Variants in CNOT1 observed in about 807,000 individuals in gnomAD.
CNOT1 encodes CCR4-NOT transcription complex subunit 1, also known as CCR4-associated factor 1.
CNOT1 carries 15 observed loss-of-function variants against 273.8 expected under a neutral mutation model. The observed-to-expected ratio is 0.05, with a 90% CI of 0.04 to 0.08. The LOEUF (loss-of-function observed/expected upper bound fraction) is 0.08. Among genes scored for constraint, CNOT1 ranks in the 10% least tolerant of loss-of-function variants. The pLI, the probability that CNOT1 is intolerant of heterozygous loss-of-function variation, is 1.00. For synonymous variants in CNOT1, 1,022 were observed against 1,005.5 expected, an observed-to-expected ratio of 1.02 and a Z score of -0.31; for missense variants, 1,644 against 2,912.2, an observed-to-expected ratio of 0.56 and a Z score of 10.02.
rs996655913 is a variant in CNOT1, at chr16:58,624,150, G to GGACT, written c.-175+5574_-175+5577dup. ...ACTTGAGATTAGCATTGGAAGTGGGGGACTGTCTATGGGACTTGAGCTTTC... is the reference window on the plus strand; with the variant it reads ...ACTTGAGATTAGCATTGGAAGTGGGGGACTGACTGTCTATGGGACTTGAGCTTTC... On this transcript the variant is annotated intron_variant, in intron 1 of 48. Coordinates refer to ENST00000317147, the MANE Select transcript of CNOT1 (RefSeq NM_016284.5). Among the ~76,000 whole-genome samples, 24 of 152,220 alleles carry GGACT rather than the reference G, an allele frequency of 1.6e-4. No homozygotes were observed. In the East Asian group the frequency reaches 2.3e-3, roughly 15 times the overall value.
chr16:58,627,352 G>A (rs1461398849), intron 1 of CNOT1, among the ~76,000 whole-genome samples: 2 of 128,034 alleles, frequency 1.6e-5, no homozygotes, highest in African/African-American at 6.1e-5. Context: ...GCAGTGAACC[G>A]AGATTGTGTG....
chr16:58,615,219 A>G, intron 1 of CNOT1, among the ~76,000 whole-genome samples: 1 of 124,822 alleles, frequency 8.0e-6, no homozygotes, highest in East Asian at 1.9e-4. Context: ...TATCACAAAG[A>G]TGATCTGGGA....
At chr16:58,612,010 G>C (rs1210838186) in intron 1 of CNOT1, among the ~76,000 whole-genome samples, 1 of 149,928 alleles carries the variant, frequency 6.7e-6, no homozygotes, top group African/African-American at 2.5e-5. Context: ...TGTTATCCAG[G>C]CTGGAGTCTA....
intron 1 of CNOT1, among the ~76,000 whole-genome samples, chr16:58,620,373 G>A (rs2043262752): frequency 6.6e-6 from 1 of 152,156 alleles, no homozygotes; most frequent in South Asian, 2.1e-4. Context: ...GGGTGCGGTG[G>A]CTCAAACCTG....
Position 58,520,677 on chromosome 16 carries a change from A to C in CNOT1, c.*281T>G. 2.3e-6 allele frequency: 1 copy of C among 438,694 alleles called. No individual in the cohort carries two copies. The highest frequency in any genetic ancestry group is 3.5e-5 in the Admixed American group (1 of 28,838). The allele number at this position is 438,694 out of a possible 1,614,324, so 27.2% of individuals were successfully genotyped here. The stretch of plus-strand genomic sequence containing the variant: ...CTTGGACACAGCTTGCACAAAGCCA[A>C]GAAGTTCCAGACAAAGGTTTTCTCT... On this transcript the variant is annotated 3_prime_UTR_variant, in exon 49 of 49. Coordinates refer to ENST00000317147, the MANE Select transcript of CNOT1 (RefSeq NM_016284.5).
chr16:58,597,465 A>G, intron 2 of CNOT1: 1 of 195,438 alleles, frequency 5.1e-6, no homozygotes, highest in Non-Finnish European at 1.0e-5. Flanking sequence ...ACAGAGTGAA[A>G]CTCTGTCTCA....
intron 46 of CNOT1, 27 bp from the exon 47 acceptor site, chr16:58,523,529 G>A (rs1156750532): frequency 1.9e-6 from 3 of 1,611,142 alleles, no homozygotes; most frequent in African/African-American, 1.3e-5. Flanking sequence ...CTTGACTTAG[G>A]ACTTAGTCTG....
chr16:58,524,466 G>A (rs760437937), intron 46 of CNOT1, among the ~76,000 whole-genome samples: 16 of 151,808 alleles, frequency 1.1e-4, no homozygotes, highest in Non-Finnish European at 2.2e-4. Flanking sequence ...TTTTATTGCC[G>A]AGCTCTTGGA....
At chr16:58,598,266 T>C (rs1190732439) in intron 2 of CNOT1, among the ~76,000 whole-genome samples, 1 of 151,916 alleles carries the variant, frequency 6.6e-6, no homozygotes, top group Non-Finnish European at 1.5e-5. Context: ...AGCATGATGG[T>C]GTGTGCCTAT....
Position 58,629,813 on chromosome 16 carries a change from G to A in CNOT1, c.-260C>T, listed in dbSNP as rs1248222692. The A allele has an allele frequency of 6.6e-6, 1 of 152,256 alleles. No individual in the cohort carries two copies. The highest frequency in any genetic ancestry group is 1.5e-5 in the Non-Finnish European group (1 of 68,058). 9.4% of individuals were successfully genotyped at this position (152,256 alleles called of 1,614,324 possible). Reference sequence around the variant, plus strand: ...CTCGACCCCCTCTTCGGTTAACTCCGCTTGTTTCTCTACAAAATGGCGCCG... The same window carrying A: ...CTCGACCCCCTCTTCGGTTAACTCCACTTGTTTCTCTACAAAATGGCGCCG... On this transcript the variant is annotated 5_prime_UTR_variant, in exon 1 of 49. Transcript: ENST00000317147.
intron 1 of CNOT1, among the ~76,000 whole-genome samples, chr16:58,605,804 G>A (rs929758192): frequency 4.6e-5 from 7 of 152,042 alleles, no homozygotes; most frequent in Admixed American, 2.0e-4. Context: ...GACTACAAGC[G>A]CCCGCTGCCA....
chr16:58,523,662 C>T (rs922774636), intron 46 of CNOT1, 160 bp from the exon 47 acceptor site: 19 of 523,190 alleles, frequency 3.6e-5, no homozygotes, highest in South Asian at 1.3e-4. Context: ...CATTTCTGTG[C>T]GTTTTATTTC....
At chr16:58,613,036 G>C (rs1049737854) in intron 1 of CNOT1, among the ~76,000 whole-genome samples, 1 of 151,900 alleles carries the variant, frequency 6.6e-6, no homozygotes, top group African/African-American at 2.4e-5. Context: ...CTGAGCAGTA[G>C]AGGTTTTTTG....
In CNOT1 at chr16:58,587,891, A is replaced by G. The variant is rs771306803; in HGVS notation, c.211-13T>C. ...TCAGAAACTGAGTCTTTAAAAATAA[A>G]AAATGATTTTCATTAGCACTAATCA... On this transcript the variant is annotated splice_polypyrimidine_tract_variant and intron_variant, in intron 3 of 48. Coordinates refer to ENST00000317147, the MANE Select transcript of CNOT1 (RefSeq NM_016284.5). The G allele has an allele frequency of 6.2e-7, 1 of 1,608,988 alleles. No homozygotes were observed. The highest frequency in any genetic ancestry group is 1.1e-5 in the South Asian group (1 of 90,692).
intron 16 of CNOT1, among the ~76,000 whole-genome samples, chr16:58,572,972 C>T (rs1470807404): frequency 1.3e-5 from 2 of 149,378 alleles, no homozygotes; most frequent in Non-Finnish European, 3.0e-5. Flanking sequence ...TTAACAAAAT[C>T]AGTACAAGAT....
chr16:58,551,230 T>A lies in CNOT1; in HGVS notation c.3244A>T (p.Thr1082Ser). ...TTNIDTLLVATDQTERIVEPP... is the reference protein window; with the variant it reads ...TTNIDTLLVASDQTERIVEPP... The stretch of plus-strand genomic sequence containing the variant: ...TCCACAATTCTCTCAGTTTGATCTG[T>A]GGCCACAAGCAACGTATCTATATTT... The change falls in exon 24 of 49, where the codon ACA becomes TCA. Residue 1082 changes from threonine (T) to serine (S), a missense_variant. By Grantham distance (58) the Thr-to-Ser change is moderately conservative. Transcript: ENST00000317147. The A allele has an allele frequency of 6.2e-7, 1 of 1,605,430 alleles. No homozygotes were observed.
At chr16:58,555,138 G>T in intron 21 of CNOT1, 113 bp downstream of exon 21, 2 of 1,465,392 alleles carry the variant, frequency 1.4e-6, no homozygotes, top group Non-Finnish European at 1.8e-6. Flanking sequence ...AGCCCGCAAG[G>T]TCAAGGCTGC....
chr16:58,621,775 T>C (rs1051263952), intron 1 of CNOT1, among the ~76,000 whole-genome samples: 24 of 143,514 alleles, frequency 1.7e-4, no homozygotes, highest in African/African-American at 6.1e-4. Context: ...AAAAACAAAT[T>C]AGCCGGGTGC....
chr16:58,534,225 A>C lies in CNOT1; in HGVS notation c.5817T>G (p.Phe1939Leu). 1 of 1,614,234 alleles carries C rather than the reference A, an allele frequency of 6.2e-7. No homozygotes were observed. Among genetic ancestry groups the C allele is most frequent in the Non-Finnish European group, 8.5e-7 (1 of 1,180,038 alleles). The part of the protein sequence containing the change: ...RAKCYHNLDA[F>L]VRLIALLVKH... The stretch of plus-strand genomic sequence containing the variant: ...TCACGAGCAGTGCAATGAGTCGAAC[A>C]AAGGCATCCAGGTTGTGATAGCACT... Residue 1939 changes from phenylalanine (F) to leucine (L), a missense_variant, in exon 40 of 49, where the codon TTT (phenylalanine) becomes TTG (leucine). Coordinates refer to ENST00000317147, the MANE Select transcript of CNOT1 (RefSeq NM_016284.5).
Sources: gnomAD v4.1 joint callset for allele counts (sites outside exome capture counted in the v4.1 genomes callset) on GRCh38, gnomAD v4.1.1 for gene constraint, MANE v1.5 for transcripts, NCBI Gene and HGNC (gene_info 2026-07-23, HGNC 2026-07-21) for gene names.